GPC5: variants seen among roughly 807,000 people sequenced by gnomAD.
The protein encoded by GPC5 is glypican-5.
Under a neutral mutation model 53.9 loss-of-function variants are expected in GPC5, and 47 were observed. The observed-to-expected ratio is 0.87, with a 90% CI of 0.69 to 1.11. The LOEUF (loss-of-function observed/expected upper bound fraction) is 1.11. GPC5 is among the 50% of genes most tolerant of loss of function. The probability of loss-of-function intolerance (pLI) is 0.00; values close to 1 mark genes in which losing one functional copy is unlikely to be tolerated. For synonymous variants in GPC5, 286 were observed against 263.3 expected (o/e 1.09, Z -0.84); for missense variants, 748 against 713.1 (o/e 1.05, Z -0.56).
At chr13:92,287,951 T>C (rs1426292884) in intron 7 of GPC5, among the ~76,000 whole-genome samples, 1 of 152,166 alleles carries the variant, frequency 6.6e-6, no homozygotes, top group Non-Finnish European at 1.5e-5. Flanking sequence ...TTTCCTTCAT[T>C]CTTTTTTATT....
intron 2 of GPC5, among the ~76,000 whole-genome samples, chr13:91,647,112 T>A (rs961660629): frequency 3.1e-5 from 4 of 128,360 alleles, no homozygotes; most frequent in African/African-American, 5.7e-5. Context: ...TGTGTGTGTG[T>A]GAAATACATA....
chr13:91,833,364 A>T (rs1340378415), intron 5 of GPC5, among the ~76,000 whole-genome samples: 1 of 152,164 alleles, frequency 6.6e-6, no homozygotes. Flanking sequence ...AAACAATAGA[A>T]AGAGGGAATC....
chr13:92,394,176 C>T lies in GPC5; in HGVS notation c.1561+249187C>T, dbSNP rs1358751108. Reference sequence around the variant, plus strand: ...AATTTAGGACCTCCAAAGATTCAATCATCTAAGGGTGTATAGTATATTATT... The same window carrying T: ...AATTTAGGACCTCCAAAGATTCAATTATCTAAGGGTGTATAGTATATTATT... On this transcript the variant is annotated intron_variant, in intron 7 of 7. Transcript: ENST00000377067. 2.6e-5 allele frequency among the ~76,000 whole-genome samples: 4 copies of T among 152,242 alleles called. No individual in the cohort carries two copies. The East Asian group carries it at 7.7e-4, about 29-fold the overall frequency.
At chr13:91,982,740 AGT>A (rs2040370273) in intron 6 of GPC5, among the ~76,000 whole-genome samples, 1 of 152,198 alleles carries the variant, frequency 6.6e-6, no homozygotes, top group African/African-American at 2.4e-5. Flanking sequence ...GGAGCTGAAA[AGT>A]GTCCACAAGA....
intron 7 of GPC5, among the ~76,000 whole-genome samples, chr13:92,191,400 C>T (rs1593979378): frequency 6.6e-6 from 1 of 152,276 alleles, no homozygotes; most frequent in Non-Finnish European, 1.5e-5. Flanking sequence ...GAATGTGGAG[C>T]AGCTGGAACT....
intron 7 of GPC5, among the ~76,000 whole-genome samples, chr13:92,665,752 T>C (rs1382030643): frequency 6.6e-6 from 1 of 152,300 alleles, no homozygotes; most frequent in Non-Finnish European, 1.5e-5. Flanking sequence ...AAATAAACTA[T>C]GTTGTAACAC....
chr13:91,649,652 G>T (rs567729468), intron 2 of GPC5, among the ~76,000 whole-genome samples: 29 of 152,312 alleles, frequency 1.9e-4, no homozygotes, highest in African/African-American at 7.0e-4. Context: ...ATGTTACGAT[G>T]CAGAGAATGT....
At chr13:92,352,251 C>CA (rs1239129855) in intron 7 of GPC5, among the ~76,000 whole-genome samples, 22 of 151,770 alleles carry the variant, frequency 1.4e-4, no homozygotes, top group Non-Finnish European at 2.9e-4. Flanking sequence ...TATATTGACA[C>CA]AAAAAATTAA....
At chr13:92,039,636 G>T (rs1005920082) in intron 6 of GPC5, among the ~76,000 whole-genome samples, 3 of 151,814 alleles carry the variant, frequency 2.0e-5, no homozygotes, top group Non-Finnish European at 4.4e-5. Context: ...AATACAAATT[G>T]TTCTCATATT....
At chr13:91,776,267 C>A (rs776241619) in intron 5 of GPC5, among the ~76,000 whole-genome samples, 15 of 152,108 alleles carry the variant, frequency 9.9e-5, no homozygotes, top group Non-Finnish European at 1.5e-4. Flanking sequence ...TCTAGGGATT[C>A]TCAGAAACAC....
intron 5 of GPC5, among the ~76,000 whole-genome samples, chr13:91,780,625 T>G (rs1399665099): frequency 6.6e-6 from 1 of 152,300 alleles, no homozygotes; most frequent in South Asian, 2.1e-4. Context: ...TGTGGAGATT[T>G]GTTAAAATAT....
intron 7 of GPC5, among the ~76,000 whole-genome samples, chr13:92,417,207 T>A (rs1326176774): frequency 2.6e-5 from 4 of 152,174 alleles, no homozygotes; most frequent in Non-Finnish European, 4.4e-5. Flanking sequence ...TTCCAAAAAA[T>A]TTTTTCCAAA....
intron 7 of GPC5, among the ~76,000 whole-genome samples, chr13:92,231,795 A>G (rs113129288): frequency 6.6e-6 from 1 of 151,972 alleles, no homozygotes; most frequent in African/African-American, 2.4e-5. Context: ...GTGAAACCCC[A>G]TCTCTACTAA....
At chr13:91,474,485 A>AAATCTGTC (rs1374979292) in intron 2 of GPC5, among the ~76,000 whole-genome samples, 1 of 152,080 alleles carries the variant, frequency 6.6e-6, no homozygotes, top group Non-Finnish European at 1.5e-5. Context: ...AGTTGAACTG[A>AAATCTGTC]AATCTGTCAG....
At chr13:92,326,147 C>G (rs1344856829) in intron 7 of GPC5, among the ~76,000 whole-genome samples, 1 of 151,822 alleles carries the variant, frequency 6.6e-6, no homozygotes, top group Non-Finnish European at 1.5e-5. Context: ...ATGTTGCCAC[C>G]CTGAGTGAAG....
intron 2 of GPC5, among the ~76,000 whole-genome samples, chr13:91,656,226 T>A (rs1445846826): frequency 6.6e-6 from 1 of 152,192 alleles, no homozygotes; most frequent in Admixed American, 6.6e-5. Context: ...ATTGTCCTAT[T>A]TTCTACCTAG....
At chr13:92,136,619 G>A (rs2041786520) in intron 6 of GPC5, among the ~76,000 whole-genome samples, 1 of 152,076 alleles carries the variant, frequency 6.6e-6, no homozygotes, top group African/African-American at 2.4e-5. Context: ...ATATATCTGT[G>A]TAAATGATCG....
Position 92,422,087 on chromosome 13 carries a change from A to G in GPC5, c.1561+277098A>G, listed in dbSNP as rs75093268. Among the ~76,000 whole-genome samples, 646 of 152,022 alleles carry G rather than the reference A, an allele frequency of 4.2e-3. 3 individuals carry two copies. The highest frequency in any genetic ancestry group is 0.015 in the African/African-American group (602 of 41,480). The stretch of plus-strand genomic sequence containing the variant: ...CAAGGCTGTGGAGAATATGGGACAC[A>G]GACTAGAGATGGCTTAATATTATTC... On this transcript the variant is annotated intron_variant, in intron 7 of 7. Coordinates refer to ENST00000377067, the MANE Select transcript of GPC5 (RefSeq NM_004466.6).
intron 7 of GPC5, among the ~76,000 whole-genome samples, chr13:92,610,066 T>C (rs1884385209): frequency 6.9e-6 from 1 of 145,174 alleles, no homozygotes; most frequent in Non-Finnish European, 1.5e-5. Context: ...TGAAGTTCAA[T>C]GTACACAGCC....
Sources: gnomAD v4.1 joint callset for allele counts (sites outside exome capture counted in the v4.1 genomes callset) on GRCh38, gnomAD v4.1.1 for gene constraint, MANE v1.5 for transcripts, NCBI Gene and HGNC (gene_info 2026-07-23, HGNC 2026-07-21) for gene names.